NAAA: variants seen among roughly 807,000 people sequenced by gnomAD.
The protein encoded by NAAA is N-acylethanolamine-hydrolyzing acid amidase.
A neutral mutation model predicts 44.8 loss-of-function variants in NAAA; 39 were observed. That is an observed-to-expected ratio of 0.87 (90% CI 0.67 to 1.14). NAAA has a LOEUF of 1.14. NAAA is among the 50% of genes most tolerant of loss of function. The pLI is 0.00. For missense variants in NAAA, 460 were observed against 467.8 expected (o/e 0.98, Z 0.15); for synonymous variants, 178 against 191.3 (o/e 0.93, Z 0.58).
At chr4:75,933,114 C>T (rs114154402) in intron 3 of NAAA, among the ~76,000 whole-genome samples, 3,474 of 118,888 alleles carry the variant, frequency 0.029, 56 homozygotes, top group African/African-American at 0.064. Flanking sequence ...CAGCCTGTGA[C>T]AGAACAAGAC....
chr4:75,921,787 GA>G (rs1238813861), intron 5 of NAAA, among the ~76,000 whole-genome samples: 2 of 152,130 alleles, frequency 1.3e-5, no homozygotes, highest in Non-Finnish European at 1.5e-5. Context: ...TAGTTCGATG[GA>G]CTAGACTGGC....
At position 75,931,243 on chromosome 4, in the gene NAAA, T is replaced by A; in HGVS notation, c.560A>T (p.His187Leu). The change falls in exon 4 of 11, where the codon CAC (histidine) becomes CTC (leucine). Residue 187 changes from histidine to leucine, a missense_variant. By Grantham distance (99) the His-to-Leu change is moderately conservative. Coordinates refer to ENST00000286733, the MANE Select transcript of NAAA (RefSeq NM_014435.4). ...TTCATCACCAGAAACTGTAAACTTG[T>A]GTGGGCTCTGGCCAGTCCATAATCC... ...YVGLWTGQSP[H>L]KFTVSGDERD... The A allele has an allele frequency of 6.2e-7, 1 of 1,612,962 alleles. No individual in the cohort carries two copies. The highest frequency in any genetic ancestry group is 8.5e-7 in the Non-Finnish European group (1 of 1,179,090).
intron 4 of NAAA, among the ~76,000 whole-genome samples, chr4:75,929,752 ATCACCATCT>A (rs1727062845): frequency 6.6e-6 from 1 of 152,172 alleles, no homozygotes; most frequent in Non-Finnish European, 1.5e-5. Context: ...TATATACTCA[ATCACCATCT>A]TCCTGGTAAA....
chr4:75,936,791 A>T (rs1013443658), intron 2 of NAAA, among the ~76,000 whole-genome samples: 1 of 152,198 alleles, frequency 6.6e-6, no homozygotes, highest in African/African-American at 2.4e-5. Flanking sequence ...TCATAATTTT[A>T]AAAAAGGGGG....
chr4:75,919,942 T>C lies in NAAA; in HGVS notation c.936A>G (p.Gly312=). 1.2e-6 allele frequency: 2 copies of C among 1,614,168 alleles called. No individual in the cohort carries two copies. Among genetic ancestry groups the C allele is most frequent in the Non-Finnish European group, 1.7e-6 (2 of 1,180,006 alleles). The stretch of plus-strand genomic sequence containing the variant: ...GTGCCTCCAGGCTGAGGTTTGCTTG[T>C]CCTGTAGCATTAAGGGCCTTGATGG... ...TSAIKALNAT[G]QANLSLEALF... is the part of the protein sequence containing the mutation. The change falls in exon 8 of 11, where the codon GGA becomes GGG. Residue 312 remains glycine (G), a synonymous_variant. Coordinates refer to ENST00000286733, the MANE Select transcript of NAAA (RefSeq NM_014435.4).
chr4:75,936,371 T>C, intron 2 of NAAA, 136 bp from the exon 3 acceptor site: 1 of 931,608 alleles, frequency 1.1e-6, no homozygotes, highest in Non-Finnish European at 1.6e-6. Flanking sequence ...GCTATAATGC[T>C]TGTATAAGAA....
In NAAA at chr4:75,914,112, G is replaced by A. The variant is rs1180732103; in HGVS notation, c.*263C>T. On this transcript the variant is annotated 3_prime_UTR_variant, in exon 11 of 11. Coordinates refer to ENST00000286733, the MANE Select transcript of NAAA (RefSeq NM_014435.4). The stretch of plus-strand genomic sequence containing the variant: ...AATTATCTTTGAGTTATTCAGGCCA[G>A]GATAGAAGCTTAGAGAGGATCGAGG... 7.1e-6 allele frequency: 7 copies of A among 985,440 alleles called. No individual in the cohort carries two copies. Among genetic ancestry groups the A allele is most frequent in the Non-Finnish European group, 7.2e-6 (6 of 829,964 alleles). The allele number at this position is 985,440 out of a possible 1,614,324, so 61.0% of individuals were successfully genotyped here.
Position 75,940,020 on chromosome 4 carries a change from G to C in NAAA, c.352C>G (p.Leu118Val), listed in dbSNP as rs1728099648. Residue 118 changes from leucine (L) to valine (V), a missense_variant, in exon 2 of 11, where the codon CTG becomes GTG. Physicochemically the swap from Leu to Val is conservative, Grantham distance 32. Transcript: ENST00000286733. ...ACTCACACGGAGGACTCGTAGGCCA[G>C]GTTGACCAGAAGGCAGTCCGCCAGG... Reference protein sequence around the residue: ...LSLADCLLVNLAYESSVFCTS... With the variant: ...LSLADCLLVNVAYESSVFCTS... 7 of 1,613,880 alleles carry C rather than the reference G, an allele frequency of 4.3e-6. No individual in the cohort carries two copies. The East Asian group carries it at 1.6e-4, about 36-fold the overall frequency.
chr4:75,914,377 G>T, intron 10 of NAAA, 39 bp from the exon 11 acceptor site: 1 of 852,690 alleles, frequency 1.2e-6, no homozygotes, highest in Non-Finnish European at 1.4e-6. Context: ...TTCAAAGACT[G>T]ATTTTTTTTT....
intron 9 of NAAA, among the ~76,000 whole-genome samples, chr4:75,918,326 G>A (rs1475350670): frequency 6.6e-6 from 1 of 152,070 alleles, no homozygotes; most frequent in South Asian, 2.1e-4. Flanking sequence ...GTGGTGGCAC[G>A]AGCCTGTAGT....
chr4:75,928,784 CT>C (rs66858038), intron 4 of NAAA, among the ~76,000 whole-genome samples: 43,366 of 146,922 alleles, frequency 0.3, 6,419 homozygotes, highest in South Asian at 0.42. Context: ...ATCATCCCTG[CT>C]TTTTTTTTTT....
intron 4 of NAAA, among the ~76,000 whole-genome samples, chr4:75,926,406 T>C (rs932992752): frequency 6.6e-6 from 1 of 151,522 alleles, no homozygotes; most frequent in Non-Finnish European, 1.5e-5. Flanking sequence ...ATTAAAAATA[T>C]AAAAATTAGC....
chr4:75,921,229 G>T, intron 5 of NAAA, 106 bp from the exon 6 acceptor site: 1 of 1,050,964 alleles, frequency 9.5e-7, no homozygotes, highest in Non-Finnish European at 1.4e-6. Context: ...GTTATGTCAT[G>T]ACTATCACCT....
At position 75,940,039 on chromosome 4, in the gene NAAA, C is replaced by G; in HGVS notation, c.333G>C (p.Ala111=). The G allele has an allele frequency of 6.2e-7, 1 of 1,614,040 alleles. No individual in the cohort carries two copies. Among genetic ancestry groups the G allele is most frequent in the South Asian group, 1.1e-5 (1 of 91,086 alleles). Residue 111 remains alanine (A), a synonymous_variant, in exon 2 of 11, where the codon GCG becomes GCC. Coordinates refer to ENST00000286733, the MANE Select transcript of NAAA (RefSeq NM_014435.4). The part of the protein sequence containing the change: ...GMCDFMNLSL[A]DCLLVNLAYE... ...AGGCCAGGTTGACCAGAAGGCAGTC[C>G]GCCAGGCTGAGGTTCATGAAGTCAC...
intron 5 of NAAA, among the ~76,000 whole-genome samples, chr4:75,925,279 C>G (rs756534480): frequency 2.6e-5 from 4 of 152,190 alleles, no homozygotes; most frequent in African/African-American, 7.2e-5. Context: ...TCGAGATCCA[C>G]CCTCCTTGGC....
chr4:75,920,950 C>A lies in NAAA; in HGVS notation c.839+1G>T, dbSNP rs17001217. On this transcript the variant is annotated splice_donor_variant, in intron 6 of 10. Coordinates refer to ENST00000286733, the MANE Select transcript of NAAA (RefSeq NM_014435.4). LOFTEE classifies it high-confidence loss of function. ...TGACCAGAGCTTTCAATTCTACTTA[C>A]GCTCCATTCAAAGGATCTAGAGGCC... 4 of 1,613,710 alleles carry A rather than the reference C, an allele frequency of 2.5e-6. No individual in the cohort carries two copies. The African/African-American group carries it at 4.0e-5, about 16-fold the overall frequency.
At chr4:75,934,246 A>T (rs1727507869) in intron 3 of NAAA, among the ~76,000 whole-genome samples, 1 of 151,856 alleles carries the variant, frequency 6.6e-6, no homozygotes, top group Non-Finnish European at 1.5e-5. Flanking sequence ...GAAAGTAAAG[A>T]TTAAAATGTT....
intron 9 of NAAA, 136 bp downstream of exon 9, chr4:75,918,625 A>C: frequency 3.7e-6 from 3 of 812,460 alleles, no homozygotes; most frequent in Non-Finnish European, 4.1e-6. Context: ...AGCTGTACCC[A>C]CAGGAGTGCC....
At chr4:75,940,331 C>A in intron 1 of NAAA, 166 bp from the exon 2 acceptor site, 1 of 319,378 alleles carries the variant, frequency 3.1e-6, no homozygotes. Flanking sequence ...TGCAGCCTCC[C>A]GGGAGTGGGG....
Sources: allele counts gnomAD v4.1 joint callset (sites outside exome capture counted in the v4.1 genomes callset), GRCh38; gene constraint gnomAD v4.1.1; transcripts MANE v1.5; gene names NCBI Gene and HGNC (gene_info 2026-07-23, HGNC 2026-07-21).